Variants in NFIA observed in about 807,000 individuals in gnomAD.
NFIA encodes the protein nuclear factor I A, also known as nuclear factor 1 A-type.
Under a neutral mutation model 62.8 loss-of-function variants are expected in NFIA, and 8 were observed. The ratio of observed to expected loss-of-function variants is 0.13; its 90% CI spans 0.07 to 0.23. The LOEUF is 0.23. Ranked by LOEUF, NFIA falls within the 10% of genes least tolerant of loss-of-function variation. The pLI is 1.00. For missense variants in NFIA, 410 were observed against 642.1 expected (o/e 0.64, Z 3.91); for synonymous variants, 235 against 238.1 (o/e 0.99, Z 0.12).
At chr1:61,207,974 C>CTTTTTTT (rs11444962) in intron 2 of NFIA, among the ~76,000 whole-genome samples, 5 of 115,436 alleles carry the variant, frequency 4.3e-5, no homozygotes, top group Admixed American at 8.7e-5. Flanking sequence ...TGCACTGAAC[C>CTTTTTTT]TTTTTTTTTT....
chr1:61,357,472 G>T (rs1269878063), intron 5 of NFIA, among the ~76,000 whole-genome samples: 3 of 152,162 alleles, frequency 2.0e-5, no homozygotes, highest in African/African-American at 7.2e-5. Context: ...ATGGCTGCCT[G>T]AGTGGTACAT....
At chr1:61,317,409 G>A (rs1660422998) in intron 3 of NFIA, among the ~76,000 whole-genome samples, 1 of 151,786 alleles carries the variant, frequency 6.6e-6, no homozygotes. Flanking sequence ...AAGAGATGGT[G>A]ATTTATATTT....
At chr1:61,176,998 C>T (rs1215104140) in intron 2 of NFIA, among the ~76,000 whole-genome samples, 4 of 151,852 alleles carry the variant, frequency 2.6e-5, no homozygotes, top group Admixed American at 6.6e-5. Flanking sequence ...CCCAGCTACT[C>T]GGCAGGCTGA....
At chr1:61,358,775 T>C (rs535148022) in intron 5 of NFIA, among the ~76,000 whole-genome samples, 5 of 152,298 alleles carry the variant, frequency 3.3e-5, no homozygotes, top group Admixed American at 6.5e-5. Flanking sequence ...CCCAGGTTCA[T>C]TGCTGATGGC....
intron 10 of NFIA, among the ~76,000 whole-genome samples, chr1:61,436,480 T>C (rs1292045502): frequency 6.6e-6 from 1 of 152,164 alleles, no homozygotes; most frequent in African/African-American, 2.4e-5. Context: ...GAGGAAAGGA[T>C]TCAGCATTAG....
rs760394561 is a variant in NFIA, at chr1:61,088,124, T to G, written c.28-25T>G. 5.3e-5 allele frequency: 83 copies of G among 1,562,674 alleles called. 1 individual carries two copies. Among genetic ancestry groups the G allele is most frequent in the Non-Finnish European group, 3.3e-5 (38 of 1,159,444 alleles). On this transcript the variant is annotated intron_variant, in intron 1 of 10. Coordinates refer to ENST00000403491, the MANE Select transcript of NFIA (RefSeq NM_001134673.4). The surrounding 1 kb of genome is among the most constrained non-coding windows in gnomAD (Gnocchi z 4.5). Reference sequence around the variant, plus strand: ...TTCTTTTGTTTTCATTCTACTTATATTTTTCTTTTTGTTCATTTTCCTAGG... The same window carrying G: ...TTCTTTTGTTTTCATTCTACTTATAGTTTTCTTTTTGTTCATTTTCCTAGG...
chr1:61,272,863 G>A (rs1433936581), intron 2 of NFIA, among the ~76,000 whole-genome samples: 1 of 152,072 alleles, frequency 6.6e-6, no homozygotes, highest in Non-Finnish European at 1.5e-5. Flanking sequence ...TAATATTTTT[G>A]GGTTTGGATG....
At chr1:61,225,277 A>C (rs1188906414) in intron 2 of NFIA, among the ~76,000 whole-genome samples, 1 of 150,500 alleles carries the variant, frequency 6.6e-6, no homozygotes, top group Non-Finnish European at 1.5e-5. Context: ...TTTGAGACTG[A>C]GTCTCGCTTT....
intron 3 of NFIA, among the ~76,000 whole-genome samples, chr1:61,308,730 C>A (rs1391634223): frequency 6.6e-6 from 1 of 152,270 alleles, no homozygotes; most frequent in Non-Finnish European, 1.5e-5. Context: ...GAAGTTAGTA[C>A]CTAACTTTCA....
At chr1:61,264,682 G>GAAAAAA (rs1557670241) in intron 2 of NFIA, among the ~76,000 whole-genome samples, 1 of 131,974 alleles carries the variant, frequency 7.6e-6, no homozygotes, top group Non-Finnish European at 1.6e-5. Context: ...AAAAAAAAAG[G>GAAAAAA]ATTTCCCGAA....
intron 3 of NFIA, among the ~76,000 whole-genome samples, chr1:61,282,310 C>T (rs529347562): frequency 1.4e-4 from 22 of 152,252 alleles, no homozygotes; most frequent in Middle Eastern, 3.4e-3. Context: ...TCATTTAATC[C>T]TTTGTTATAT....
rs545573213 is a variant in NFIA, at chr1:61,144,242, C to T, written c.559+55562C>T. Among the ~76,000 whole-genome samples the T allele has an allele frequency of 2.6e-5, 4 of 152,162 alleles. No individual in the cohort carries two copies. The South Asian group carries it at 8.3e-4, about 32-fold the overall frequency. On this transcript the variant is annotated intron_variant, in intron 2 of 10. Transcript: ENST00000403491. Reference sequence around the variant, plus strand: ...TGTTGGTCCCCACCCCCGACTTACTCAGTGAGAAGCTCTAGGGGTGGGGCC... The same window carrying T: ...TGTTGGTCCCCACCCCCGACTTACTTAGTGAGAAGCTCTAGGGGTGGGGCC...
At chr1:61,288,068 T>C (rs1658620804) in intron 3 of NFIA, among the ~76,000 whole-genome samples, 1 of 152,180 alleles carries the variant, frequency 6.6e-6, no homozygotes, top group Admixed American at 6.5e-5. Context: ...AGTCAATAGG[T>C]ACAATATAAT....
intron 2 of NFIA, among the ~76,000 whole-genome samples, chr1:61,132,179 G>C (rs1352116844): frequency 2.0e-5 from 3 of 152,156 alleles, no homozygotes; most frequent in Non-Finnish European, 2.9e-5. Flanking sequence ...AAAAAAGAAT[G>C]AGGAAAATCC....
At chr1:61,365,974 GAT>G (rs1189455895) in intron 6 of NFIA, among the ~76,000 whole-genome samples, 1 of 152,182 alleles carries the variant, frequency 6.6e-6, no homozygotes, top group Non-Finnish European at 1.5e-5. Flanking sequence ...GAGAATAAGG[GAT>G]AGTTTCCTTA....
At chr1:61,365,168 CAG>C (rs1451247745) in intron 6 of NFIA, among the ~76,000 whole-genome samples, 1 of 152,162 alleles carries the variant, frequency 6.6e-6, no homozygotes, top group African/African-American at 2.4e-5. Context: ...GCCTGAGCAA[CAG>C]AGTGAGACCC....
chr1:61,336,297 G>C (rs78251251), intron 4 of NFIA, among the ~76,000 whole-genome samples: 2 of 152,084 alleles, frequency 1.3e-5, no homozygotes, highest in African/African-American at 4.8e-5. Context: ...AAGCAAGTAA[G>C]ATACTTAATT....
chr1:61,105,787 C>T (rs193260640), intron 2 of NFIA, among the ~76,000 whole-genome samples: 1 of 151,856 alleles, frequency 6.6e-6, no homozygotes. Flanking sequence ...CATTTCTTGA[C>T]TTAGCACACC....
chr1:61,088,562 C>A lies in NFIA; in HGVS notation c.441C>A (p.Gly147=), dbSNP rs143634658. 9 of 1,614,016 alleles carry A rather than the reference C, an allele frequency of 5.6e-6. No individual in the cohort carries two copies. ...GTATTCCGCTGGAAAGTACTGATGG[C>A]GAGCGCCTTGTAAAGTCCCCACAAT... ...FKGIPLESTD[G]ERLVKSPQCS... is the part of the protein sequence containing the mutation. The change falls in exon 2 of 11, where the codon GGC becomes GGA. Residue 147 remains glycine (G), a synonymous_variant. Transcript: ENST00000403491. The surrounding 1 kb of genome is among the most constrained non-coding windows in gnomAD (Gnocchi z 4.5).
Sources: gnomAD v4.1 joint callset for allele counts (sites outside exome capture counted in the v4.1 genomes callset) on GRCh38, gnomAD v4.1.1 for gene constraint, Gnocchi (gnomAD v3.1) non-coding constraint, MANE v1.5 for transcripts, NCBI Gene and HGNC (gene_info 2026-07-23, HGNC 2026-07-21) for gene names.